The following LHX2 variants were observed in gnomAD, a reference collection of about 807,000 sequenced individuals.
LHX2 encodes the protein LIM homeobox 2, also known as LIM/homeobox protein Lhx2.
Under a neutral mutation model 33.0 loss-of-function variants are expected in LHX2, and 6 were observed. The observed-to-expected ratio is 0.18, with a 90% CI of 0.10 to 0.36. The LOEUF is 0.36. Among genes scored for constraint, LHX2 ranks in the 10% least tolerant of loss-of-function variants. LHX2 has a pLI of 1.00. For missense variants in LHX2, 442 were observed against 586.2 expected, an observed-to-expected ratio of 0.75 and a Z score of 2.54; for synonymous variants, 292 against 253.1, an observed-to-expected ratio of 1.15 and a Z score of -1.46.
chr9:124,032,513 A>G lies in LHX2; in HGVS notation c.1027A>G (p.Thr343Ala). ...CAAGTCGACAGACGCGGCGCTGCAG[A>G]CAGGGACGCCATCGGGCCCGGCCTC... Reference protein sequence around the residue: ...VDKSTDAALQTGTPSGPASEL... With the variant: ...VDKSTDAALQAGTPSGPASEL... Residue 343 changes from threonine (T) to alanine (A), a missense_variant, in exon 5 of 5, where the codon ACA (threonine) becomes GCA (alanine). By Grantham distance (58) the Thr-to-Ala change is moderately conservative (BLOSUM62 0). Coordinates refer to ENST00000373615, the MANE Select transcript of LHX2 (RefSeq NM_004789.4). This position sits in a 1 kb window ranked among gnomAD's most constrained non-coding sequence, Gnocchi z 4.1. 6.2e-7 allele frequency: 1 copy of G among 1,613,662 alleles called. No individual in the cohort carries two copies. The highest frequency in any genetic ancestry group is 8.5e-7 in the Non-Finnish European group (1 of 1,179,982).
In LHX2 at chr9:124,014,062, C is replaced by T. The variant is rs373557738; in HGVS notation, c.222C>T (p.His74=). ...YYLLAVDKQW[H]MRCLKCCECK... ...TGCTGGCGGTGGACAAGCAGTGGCACATGCGCTGCCTCAAGTGCTGCGAGT... is the reference window on the plus strand; with the variant it reads ...TGCTGGCGGTGGACAAGCAGTGGCATATGCGCTGCCTCAAGTGCTGCGAGT... Residue 74 remains histidine, a synonymous_variant, in exon 2 of 5, where the codon CAC becomes CAT. Transcript: ENST00000373615. The surrounding 1 kb of genome is among the most constrained non-coding windows in gnomAD (Gnocchi z 4.8). The T allele has an allele frequency of 4.8e-5, 77 of 1,613,666 alleles. No individual in the cohort carries two copies. In the African/African-American group the frequency reaches 1.0e-3, roughly 21 times the overall value.
chr9:124,022,440 T>TC (rs1479350449), intron 4 of LHX2, among the ~76,000 whole-genome samples: 1 of 152,192 alleles, frequency 6.6e-6, no homozygotes, highest in Non-Finnish European at 1.5e-5. Context: ...AGACAATGCC[T>TC]CCCTTGATAG....
At chr9:124,017,814 C>T (rs894790156) in intron 3 of LHX2, among the ~76,000 whole-genome samples, 2 of 152,044 alleles carry the variant, frequency 1.3e-5, no homozygotes, top group Non-Finnish European at 2.9e-5. Flanking sequence ...AAAGTCCTTC[C>T]GGGGCGGGGC....
Position 124,011,898 on chromosome 9 carries a change from G to C in LHX2, c.-451G>C, listed in dbSNP as rs1215025064. On this transcript the variant is annotated 5_prime_UTR_variant, in exon 1 of 5. Transcript: ENST00000373615. ...GGGAGGGGAGGGGTCCAGGCAGCTG[G>C]GCCGCCGCGGACACCTAGCGGCTTC... 6.6e-6 allele frequency: 1 copy of C among 152,136 alleles called. No homozygotes were observed. Among genetic ancestry groups the C allele is most frequent in the East Asian group, 1.9e-4 (1 of 5,160 alleles). The allele number at this position is 152,136 out of a possible 1,614,324, so 9.4% of individuals were successfully genotyped here.
intron 4 of LHX2, among the ~76,000 whole-genome samples, chr9:124,030,455 T>G (rs1828690429): frequency 1.3e-5 from 2 of 152,138 alleles, no homozygotes; most frequent in Non-Finnish European, 2.9e-5. Context: ...GGGCCCTGCC[T>G]TTCAGGACTT....
At position 124,032,900 on chromosome 9, in the gene LHX2, G is replaced by T; in HGVS notation, c.*193G>T. 1 of 536,386 alleles carries T rather than the reference G, an allele frequency of 1.9e-6. No homozygotes were observed. The highest frequency in any genetic ancestry group is 1.9e-5 in the African/African-American group (1 of 51,868). The allele number at this position is 536,386 out of a possible 1,614,324, so 33.2% of individuals were successfully genotyped here. A position where few individuals can be genotyped will look rare whatever the true frequency, so the allele number is the denominator to read the frequency against. ...GTGTGGACCGAGGAACAACTTGGAAGATCTACCTGCAACACAACATTTGTG... is the reference window on the plus strand; with the variant it reads ...GTGTGGACCGAGGAACAACTTGGAATATCTACCTGCAACACAACATTTGTG... On this transcript the variant is annotated 3_prime_UTR_variant, in exon 5 of 5. Transcript: ENST00000373615. This position sits in a 1 kb window ranked among gnomAD's most constrained non-coding sequence, Gnocchi z 4.1.
Position 124,014,190 on chromosome 9 carries a change from A to G in LHX2, c.323+27A>G. ...TAGCCCCCCCACCCAACTGCCCCTCAGGACCCCTCCCCCCAATCTCAGGCA... is the reference window on the plus strand; with the variant it reads ...TAGCCCCCCCACCCAACTGCCCCTCGGGACCCCTCCCCCCAATCTCAGGCA... On this transcript the variant is annotated intron_variant, in intron 2 of 4. Coordinates refer to ENST00000373615, the MANE Select transcript of LHX2 (RefSeq NM_004789.4). The surrounding 1 kb of genome is among the most constrained non-coding windows in gnomAD (Gnocchi z 4.8). 1.5e-6 allele frequency: 2 copies of G among 1,377,234 alleles called. No homozygotes were observed. The highest frequency in any genetic ancestry group is 2.0e-6 in the Non-Finnish European group (2 of 1,025,634). 85.3% of individuals were successfully genotyped at this position (1,377,234 alleles called of 1,614,324 possible). A position where few individuals can be genotyped will look rare whatever the true frequency, so the allele number is the denominator to read the frequency against.
chr9:124,021,326 G>C (rs779563604), intron 4 of LHX2, 22 bp downstream of exon 4: 1 of 1,607,202 alleles, frequency 6.2e-7, no homozygotes, highest in Non-Finnish European at 8.5e-7. Context: ...CCAGGGGTGA[G>C]GGCATCTGCG....
chr9:124,014,553 A>G lies in LHX2; in HGVS notation c.323+390A>G, dbSNP rs1315646592. Among the ~76,000 whole-genome samples the G allele has an allele frequency of 6.6e-6, 1 of 152,206 alleles. No homozygotes were observed. Among genetic ancestry groups the G allele is most frequent in the Non-Finnish European group, 1.5e-5 (1 of 68,048 alleles). ...AAGCTGGAGTGAAACACAGCTGGAA[A>G]GAGAGCTGTGGGAGTGGGTGCATTT... is the stretch of plus-strand genomic sequence containing the variant. On this transcript the variant is annotated intron_variant, in intron 2 of 4. Transcript: ENST00000373615. The surrounding 1 kb of genome is among the most constrained non-coding windows in gnomAD (Gnocchi z 4.8).
chr9:124,022,137 C>A (rs1003741161), intron 4 of LHX2, among the ~76,000 whole-genome samples: 2 of 152,180 alleles, frequency 1.3e-5, no homozygotes, highest in African/African-American at 4.8e-5. Context: ...GAGTCGTGGG[C>A]CACATCTCAA....
At chr9:124,023,787 C>T (rs1472298479) in intron 4 of LHX2, among the ~76,000 whole-genome samples, 2 of 152,204 alleles carry the variant, frequency 1.3e-5, no homozygotes, top group Non-Finnish European at 1.5e-5. Flanking sequence ...CTTGGGGACA[C>T]AGAGATGAAC....
rs1248212311 is a variant in LHX2, at chr9:124,014,981, C to A, written c.324-141C>A. The A allele has an allele frequency of 2.4e-6, 2 of 845,910 alleles. No homozygotes were observed. Among genetic ancestry groups the A allele is most frequent in the African/African-American group, 1.8e-5 (1 of 55,760 alleles). 52.4% of individuals were successfully genotyped at this position (845,910 alleles called of 1,614,324 possible). A position where few individuals can be genotyped will look rare whatever the true frequency, so the allele number is the denominator to read the frequency against. ...CCTGGGTCAAAATCTAGTTCTCTCT[C>A]CCCCCCATCCTCCAAATAAAGGCCG... On this transcript the variant is annotated intron_variant, in intron 2 of 4. Transcript: ENST00000373615. The surrounding 1 kb of genome is among the most constrained non-coding windows in gnomAD (Gnocchi z 4.8).
chr9:124,018,566 A>G (rs1027627068), intron 3 of LHX2, among the ~76,000 whole-genome samples: 1 of 152,076 alleles, frequency 6.6e-6, no homozygotes, highest in African/African-American at 2.4e-5. Flanking sequence ...ACGGCTTCGG[A>G]AAAGGCCTCC....
In LHX2 at chr9:124,013,986, G is replaced by GCGC. The variant is rs1564548219; in HGVS notation, c.150_152dup (p.Ala51dup). On this transcript the variant is annotated inframe_insertion, in exon 2 of 5. Coordinates refer to ENST00000373615, the MANE Select transcript of LHX2 (RefSeq NM_004789.4). The stretch of plus-strand genomic sequence containing the variant: ...ACCATGCCGTCCATCAGCAGTGACC[G>GCGC]CGCCGCGCTGTGCGCCGGCTGCGGG... 6.2e-7 allele frequency: 1 copy of GCGC among 1,613,128 alleles called. No individual in the cohort carries two copies. Among genetic ancestry groups the GCGC allele is most frequent in the African/African-American group, 1.3e-5 (1 of 75,066 alleles).
At chr9:124,026,794 G>A (rs1335264667) in intron 4 of LHX2, among the ~76,000 whole-genome samples, 1 of 152,122 alleles carries the variant, frequency 6.6e-6, no homozygotes, top group Non-Finnish European at 1.5e-5. Flanking sequence ...TGCTAGGTAG[G>A]AAAAATGCAA....
In LHX2 at chr9:124,014,676, T is replaced by A. The variant is rs1226561922; in HGVS notation, c.324-446T>A. On this transcript the variant is annotated intron_variant, in intron 2 of 4. Transcript: ENST00000373615. This position sits in a 1 kb window ranked among gnomAD's most constrained non-coding sequence, Gnocchi z 4.8. ...TTCTCTGTTTCTCCTTCTCCCCAGT[T>A]TTAGGATTAGGGTCTATGTATATTC... Among the ~76,000 whole-genome samples the A allele has an allele frequency of 6.6e-6, 1 of 152,146 alleles. No individual in the cohort carries two copies. Among genetic ancestry groups the A allele is most frequent in the Non-Finnish European group, 1.5e-5 (1 of 68,018 alleles).
rs1177194189 is a variant in LHX2, at chr9:124,012,302, C to G, written c.-47C>G. On this transcript the variant is annotated 5_prime_UTR_variant, in exon 1 of 5. Transcript: ENST00000373615. The surrounding 1 kb of genome is among the most constrained non-coding windows in gnomAD (Gnocchi z 4.3). ...CCAGGCAGCTGAGGCGGGGGGCAAG[C>G]CCTCCCTCGGAGGAGCCGCGCCCCC... is the stretch of plus-strand genomic sequence containing the variant. 6.1e-6 allele frequency: 9 copies of G among 1,463,794 alleles called. No homozygotes were observed. Among genetic ancestry groups the G allele is most frequent in the African/African-American group, 1.5e-5 (1 of 67,956 alleles). 90.7% of individuals were successfully genotyped at this position (1,463,794 alleles called of 1,614,324 possible). A position where few individuals can be genotyped will look rare whatever the true frequency, so the allele number is the denominator to read the frequency against.
intron 3 of LHX2, among the ~76,000 whole-genome samples, chr9:124,017,719 G>T (rs965186146): frequency 6.6e-6 from 1 of 152,070 alleles, no homozygotes; most frequent in Non-Finnish European, 1.5e-5. Flanking sequence ...ACTGAAGGGC[G>T]GCGAGCTGGG....
At position 124,021,233 on chromosome 9, in the gene LHX2, A is replaced by G. The variant is rs1274615285; in HGVS notation, c.862A>G (p.Asn288Asp). ...GACCATGAAGTCTTACTTTGCCATT[A>G]ACCACAACCCCGACGCCAAGGACTT... ...LRTMKSYFAI[N>D]HNPDAKDLKQ... is the part of the protein sequence containing the mutation. The change falls in exon 4 of 5, where the codon AAC becomes GAC. Residue 288 changes from asparagine to aspartate, a missense_variant. Physicochemically the swap from Asn to Asp is conservative, Grantham distance 23 (BLOSUM62 1). This residue lies in a region of LHX2 where 32 missense variants were observed against 95.3 expected (regional missense o/e 0.34). Coordinates refer to ENST00000373615, the MANE Select transcript of LHX2 (RefSeq NM_004789.4). 6.2e-7 allele frequency: 1 copy of G among 1,614,066 alleles called. No homozygotes were observed. Among genetic ancestry groups the G allele is most frequent in the African/African-American group, 1.3e-5 (1 of 74,924 alleles).
Sources: allele counts gnomAD v4.1 joint callset (sites outside exome capture counted in the v4.1 genomes callset), GRCh38; gene constraint gnomAD v4.1.1; regional missense constraint gnomAD v4.1.1; non-coding constraint Gnocchi (gnomAD v3.1); transcripts MANE v1.5; gene names NCBI Gene and HGNC (gene_info 2026-07-23, HGNC 2026-07-21).